Variants in FCHO2 observed in about 807,000 individuals in gnomAD.
FCHO2 encodes FCH and mu domain containing endocytic adaptor 2, also known as F-BAR domain only protein 2.
In FCHO2, 43 loss-of-function variants were observed where a neutral mutation model predicts 114.1. That is an observed-to-expected ratio of 0.38 (90% CI 0.30 to 0.49). The LOEUF (loss-of-function observed/expected upper bound fraction) is 0.49. FCHO2 is among the 20% of genes least tolerant of loss of function. The pLI is 0.97. For missense variants in FCHO2, 807 were observed against 950.4 expected (o/e 0.85, Z 1.98); for synonymous variants, 293 against 315.2 (o/e 0.93, Z 0.75).
intron 2 of FCHO2, among the ~76,000 whole-genome samples, chr5:72,979,791 T>C (rs1375820658): frequency 3.3e-5 from 5 of 152,218 alleles, no homozygotes; most frequent in African/African-American, 4.8e-5. Flanking sequence ...AGTGGTGATA[T>C]CCCCTTTATC....
At chr5:73,011,590 G>A (rs1028099337) in intron 6 of FCHO2, among the ~76,000 whole-genome samples, 1 of 151,998 alleles carries the variant, frequency 6.6e-6, no homozygotes, top group African/African-American at 2.4e-5. Context: ...CTACTGGAAG[G>A]TCTTCAGGGG....
chr5:72,993,811 G>A (rs1461132471), intron 5 of FCHO2, among the ~76,000 whole-genome samples: 1 of 152,156 alleles, frequency 6.6e-6, no homozygotes. Flanking sequence ...TCAAGTGCTT[G>A]GAAGAAAACC....
chr5:73,074,973 GTTGT>G (rs1394287882), intron 20 of FCHO2, 120 bp downstream of exon 20: 8 of 764,998 alleles, frequency 1.0e-5, no homozygotes, highest in Non-Finnish European at 1.6e-5. Context: ...ACAGTTTTCT[GTTGT>G]TTATTTACCT....
At chr5:72,997,468 T>C (rs1431052319) in intron 5 of FCHO2, 1 of 1,573,850 alleles carries the variant, frequency 6.4e-7, no homozygotes, top group African/African-American at 1.3e-5. Context: ...TGATCCTGGC[T>C]AACTCTCCAG....
At chr5:73,019,876 C>T (rs1755521436) in intron 8 of FCHO2, among the ~76,000 whole-genome samples, 1 of 152,048 alleles carries the variant, frequency 6.6e-6, no homozygotes, top group Admixed American at 6.6e-5. Context: ...TAACGAGGAG[C>T]CATGTAGGTA....
intron 10 of FCHO2, 41 bp downstream of exon 10, chr5:73,037,256 T>A: frequency 1.4e-6 from 2 of 1,426,678 alleles, no homozygotes; most frequent in Non-Finnish European, 9.6e-7. Context: ...TTTGTTTTTA[T>A]AAGTGATTAA....
At chr5:72,959,762 TCTCTCTTCTC>T (rs1751748887) in intron 1 of FCHO2, among the ~76,000 whole-genome samples, 1 of 151,898 alleles carries the variant, frequency 6.6e-6, no homozygotes, top group Admixed American at 6.6e-5. Context: ...TCTTCTCTTC[TCTCTCTTCTC>T]TTCTTTCTTT....
intron 8 of FCHO2, among the ~76,000 whole-genome samples, chr5:73,020,449 T>C (rs1429699310): frequency 1.3e-5 from 2 of 152,216 alleles, no homozygotes; most frequent in Non-Finnish European, 1.5e-5. Context: ...GGGAAAAAGA[T>C]ACTTATAAAT....
chr5:73,074,235 A>G (rs964485076), intron 19 of FCHO2, among the ~76,000 whole-genome samples: 26 of 151,738 alleles, frequency 1.7e-4, no homozygotes, highest in Admixed American at 4.6e-4. Context: ...TCAAATATTG[A>G]GGCAAAGTAA....
Position 73,017,290 on chromosome 5 carries a change from A to G in FCHO2, c.778A>G (p.Thr260Ala), listed in dbSNP as rs1415717945. The G allele has an allele frequency of 3.2e-6, 5 of 1,562,664 alleles. No homozygotes were observed. Among genetic ancestry groups the G allele is most frequent in the Non-Finnish European group, 3.5e-6 (4 of 1,152,382 alleles). The change falls in exon 8 of 26, where the codon ACT (threonine) becomes GCT (alanine). Residue 260 changes from threonine to alanine, a missense_variant. By Grantham distance (58) the Thr-to-Ala change is moderately conservative. Transcript: ENST00000430046. ...LIQKFAESKG[T>A]GKERPGLIEF... ...ACAAAAATTTGCTGAGTCAAAAGGC[A>G]CTGGGAAGGAAAGACCTGGTAAGAT...
intron 1 of FCHO2, among the ~76,000 whole-genome samples, chr5:72,958,814 C>G (rs573336815): frequency 2.6e-4 from 39 of 152,292 alleles, no homozygotes; most frequent in African/African-American, 8.9e-4. Context: ...ATTTTTGATG[C>G]ATGAATGTTT....
At chr5:72,977,317 TCTGA>T (rs1476895690) in intron 2 of FCHO2, among the ~76,000 whole-genome samples, 5 of 152,206 alleles carry the variant, frequency 3.3e-5, no homozygotes, top group Non-Finnish European at 7.4e-5. Context: ...TGATGGGCAT[TCTGA>T]CTGTCATGAG....
chr5:73,074,959 G>A (rs1380086055), intron 20 of FCHO2, 106 bp downstream of exon 20: 1 of 884,430 alleles, frequency 1.1e-6, no homozygotes, highest in East Asian at 2.8e-5. Context: ...ATTCTGTGTA[G>A]ATTACAGTTT....
At chr5:73,021,364 G>A (rs924828989) in intron 8 of FCHO2, 4 of 356,342 alleles carry the variant, frequency 1.1e-5, no homozygotes, top group African/African-American at 8.4e-5. Flanking sequence ...AAGGATAGGG[G>A]TCAAGAAGGG....
At position 72,986,240 on chromosome 5, in the gene FCHO2, A is replaced by AT. The variant is rs35608729; in HGVS notation, c.126-3177dup. On this transcript the variant is annotated intron_variant, in intron 2 of 25. Coordinates refer to ENST00000430046, the MANE Select transcript of FCHO2 (RefSeq NM_138782.3). Reference sequence around the variant, plus strand: ...TGTATTTTCTAGATCTGTAATTTGCATTTTTTTTTTCTTTTTTGCAAATTT... The same window carrying AT: ...TGTATTTTCTAGATCTGTAATTTGCATTTTTTTTTTTCTTTTTTGCAAATTT... Among the ~76,000 whole-genome samples, 347 of 150,602 alleles carry AT rather than the reference A, an allele frequency of 2.3e-3. 4 individuals carry two copies. The highest frequency in any genetic ancestry group is 8.2e-3 in the African/African-American group (334 of 40,904).
chr5:72,996,011 G>A (rs757164037), intron 5 of FCHO2, among the ~76,000 whole-genome samples: 2 of 152,052 alleles, frequency 1.3e-5, no homozygotes, highest in African/African-American at 2.4e-5. Flanking sequence ...GGGAGGCCAC[G>A]GTGGGTGGAT....
chr5:73,028,012 A>G (rs377761253), intron 8 of FCHO2, among the ~76,000 whole-genome samples: 3 of 152,252 alleles, frequency 2.0e-5, no homozygotes, highest in East Asian at 3.9e-4. Flanking sequence ...AGCCTGGGCA[A>G]CATGATGAAA....
intron 8 of FCHO2, among the ~76,000 whole-genome samples, chr5:73,027,626 T>A (rs532647562): frequency 1.3e-5 from 2 of 152,162 alleles, no homozygotes; most frequent in South Asian, 4.1e-4. Context: ...TAATAAGTAA[T>A]GAATATATTA....
In FCHO2 at chr5:73,069,504, G is replaced by A. The variant is rs1224682677; in HGVS notation, c.1579+725G>A. ...TCAGGCATTAGATTCTCATAAGAGT[G>A]CGCAACCTAGATCCCTCACATGCAC... is the stretch of plus-strand genomic sequence containing the variant. On this transcript the variant is annotated intron_variant, in intron 19 of 25. Coordinates refer to ENST00000430046, the MANE Select transcript of FCHO2 (RefSeq NM_138782.3). Among the ~76,000 whole-genome samples the A allele has an allele frequency of 8.5e-5, 13 of 152,124 alleles. No individual in the cohort carries two copies. In the East Asian group the frequency reaches 2.3e-3, roughly 27 times the overall value.
Sources: allele counts gnomAD v4.1 joint callset (sites outside exome capture counted in the v4.1 genomes callset), GRCh38; gene constraint gnomAD v4.1.1; transcripts MANE v1.5; gene names NCBI Gene and HGNC (gene_info 2026-07-23, HGNC 2026-07-21).